The following SEC23A variants were observed in gnomAD, a reference collection of about 807,000 sequenced individuals.
SEC23A encodes the protein protein transport protein Sec23A.
In SEC23A, 56 loss-of-function variants were observed where a neutral mutation model predicts 103.7. That is an observed-to-expected ratio of 0.54 (90% CI 0.44 to 0.67). The LOEUF (loss-of-function observed/expected upper bound fraction) is 0.67, where lower values mean the gene tolerates loss of function less well. SEC23A is among the 30% of genes least tolerant of loss of function. The pLI, the probability that SEC23A is intolerant of heterozygous loss-of-function variation, is 0.00. For synonymous variants in SEC23A, 281 were observed against 293.0 expected, an observed-to-expected ratio of 0.96 and a Z score of 0.42; for missense variants, 784 against 936.4, an observed-to-expected ratio of 0.84 and a Z score of 2.12.
rs763645563 is a variant in SEC23A at position 39,092,554 on chromosome 14, T to G, written c.353A>C (p.Glu118Ala). ...TTAGGTTCTTACCAGAACTACATAT[T>G]CAATGCTAGAAAACTGAGGTAAAAG... ...AELLPQFSSI[E>A]YVVLRGPQMP... The change falls in exon 4 of 20, where the codon GAA (glutamate) becomes GCA (alanine). Residue 118 changes from glutamate to alanine, a missense_variant. Physicochemically the swap from Glu to Ala is moderately radical, Grantham distance 107. Coordinates refer to ENST00000307712, the MANE Select transcript of SEC23A (RefSeq NM_006364.4). The G allele has an allele frequency of 6.2e-7, 1 of 1,601,970 alleles. No individual in the cohort carries two copies. Among genetic ancestry groups the G allele is most frequent in the Non-Finnish European group, 8.5e-7 (1 of 1,169,970 alleles).
Position 39,095,102 on chromosome 14 carries a change from G to T in SEC23A, c.221+796C>A. The stretch of plus-strand genomic sequence containing the variant: ...AAAAGACTGTGGTATCTTGAAGCAG[G>T]GTATACTACCAGAGATGGAATAAGA... On this transcript the variant is annotated intron_variant, in intron 2 of 19. Coordinates refer to ENST00000307712, the MANE Select transcript of SEC23A (RefSeq NM_006364.4). 4.6e-6 allele frequency: 3 copies of T among 655,428 alleles called. No individual in the cohort carries two copies. In the South Asian group the frequency reaches 5.2e-5, roughly 11 times the overall value. 40.6% of individuals were successfully genotyped at this position (655,428 alleles called of 1,614,324 possible).
chr14:39,101,449 C>T (rs1888091585), intron 1 of SEC23A, among the ~76,000 whole-genome samples: 1 of 151,800 alleles, frequency 6.6e-6, no homozygotes. Context: ...TAAACCCCGT[C>T]TCTACTGAAA....
At chr14:39,092,898 C>T in intron 3 of SEC23A, 1 of 497,226 alleles carries the variant, frequency 2.0e-6, no homozygotes, top group South Asian at 2.3e-5. Flanking sequence ...GAGTCTTGCT[C>T]TGTTGCCCAG....
chr14:39,040,188 G>T (rs1002715276), intron 18 of SEC23A: 3 of 152,210 alleles, frequency 2.0e-5, no homozygotes, highest in African/African-American at 7.2e-5. Context: ...CCTTCTGAAG[G>T]TCTCAAAGCA....
In SEC23A at chr14:39,032,993, A is replaced by G. The variant is rs908791882; in HGVS notation, c.*246T>C. The G allele has an allele frequency of 2.1e-6, 1 of 473,386 alleles. No homozygotes were observed. The highest frequency in any genetic ancestry group is 3.5e-5 in the Admixed American group (1 of 28,800). 29.3% of individuals were successfully genotyped at this position (473,386 alleles called of 1,614,324 possible). On this transcript the variant is annotated 3_prime_UTR_variant, in exon 20 of 20. Transcript: ENST00000307712. ...TTTTTATTAAACATAATTAAGTTAT[A>G]AAGACTTCAAATTTCTAGAACCAGC...
At chr14:39,042,637 T>C (rs892407769) in intron 17 of SEC23A, 149 bp downstream of exon 17, 12 of 610,600 alleles carry the variant, frequency 2.0e-5, no homozygotes, top group Non-Finnish European at 3.2e-5. Context: ...TAAAACCTTA[T>C]AGTAGGCAGC....
intron 16 of SEC23A, 144 bp downstream of exon 16, chr14:39,045,019 G>C (rs1038350837): frequency 1.4e-6 from 1 of 714,220 alleles, no homozygotes; most frequent in East Asian, 2.7e-5. Context: ...TATTTTAAGC[G>C]AATACATTAA....
intron 4 of SEC23A, 136 bp from the exon 5 acceptor site, chr14:39,091,849 C>A: frequency 2.9e-6 from 2 of 694,040 alleles, no homozygotes; most frequent in South Asian, 1.6e-5. Context: ...CAGGTTATTT[C>A]TACTGTCATG....
At chr14:39,081,868 C>T (rs1171418071) in intron 7 of SEC23A, among the ~76,000 whole-genome samples, 4 of 152,104 alleles carry the variant, frequency 2.6e-5, no homozygotes, top group Admixed American at 2.6e-4. Flanking sequence ...TATATATGCA[C>T]ATACATCTTC....
chr14:39,038,994 A>T, intron 19 of SEC23A, 37 bp downstream of exon 19: 1 of 1,521,860 alleles, frequency 6.6e-7, no homozygotes, highest in South Asian at 1.1e-5. Flanking sequence ...ATAAATACAC[A>T]AAGAAATAAT....
intron 7 of SEC23A, among the ~76,000 whole-genome samples, chr14:39,076,842 G>A (rs2415527): frequency 0.037 from 5,628 of 151,548 alleles, 379 homozygotes; most frequent in African/African-American, 0.13. Flanking sequence ...CAGGAGAATC[G>A]CTTGAACGCG....
At chr14:39,045,989 A>G (rs912679697) in intron 15 of SEC23A, among the ~76,000 whole-genome samples, 6 of 152,206 alleles carry the variant, frequency 3.9e-5, no homozygotes, top group Non-Finnish European at 4.4e-5. Flanking sequence ...GAACTGAATC[A>G]TGTCAGGGGG....
intron 7 of SEC23A, 22 bp downstream of exon 7, chr14:39,085,740 A>ACACAC: frequency 6.3e-7 from 1 of 1,598,100 alleles, no homozygotes. Context: ...TTTACATTCC[A>ACACAC]AAACAAAACC....
intron 7 of SEC23A, among the ~76,000 whole-genome samples, chr14:39,081,131 G>A (rs1485425939): frequency 6.6e-6 from 1 of 151,904 alleles, no homozygotes; most frequent in Non-Finnish European, 1.5e-5. Flanking sequence ...CTTGAGACCA[G>A]GAGTTTGAGG....
At chr14:39,094,834 TA>T in intron 2 of SEC23A, 1 of 592,890 alleles carries the variant, frequency 1.7e-6, no homozygotes, top group South Asian at 2.1e-5. Context: ...TAGATGAGAA[TA>T]AGGAAAATGG....
At chr14:39,082,302 C>T (rs955260345) in intron 7 of SEC23A, among the ~76,000 whole-genome samples, 6 of 151,372 alleles carry the variant, frequency 4.0e-5, no homozygotes, top group African/African-American at 1.2e-4. Context: ...GGAGAGAAAG[C>T]TCTTCCTCAA....
intron 7 of SEC23A, among the ~76,000 whole-genome samples, chr14:39,083,219 T>A (rs1376124225): frequency 1.3e-5 from 2 of 152,172 alleles, no homozygotes; most frequent in East Asian, 3.9e-4. Context: ...AGCTGGAAAC[T>A]GCTTCGGGCA....
intron 17 of SEC23A, 91 bp from the exon 18 acceptor site, chr14:39,040,978 T>G: frequency 6.9e-7 from 1 of 1,441,374 alleles, no homozygotes; most frequent in Non-Finnish European, 9.2e-7. Flanking sequence ...CTTTAGAAAC[T>G]AAAAAAATTA....
intron 13 of SEC23A, among the ~76,000 whole-genome samples, chr14:39,056,721 C>T (rs1383327532): frequency 6.6e-6 from 1 of 152,088 alleles, no homozygotes; most frequent in African/African-American, 2.4e-5. Context: ...CCTGAACCTC[C>T]CAAAGTGCTG....
Sources: allele counts gnomAD v4.1 joint callset (sites outside exome capture counted in the v4.1 genomes callset), GRCh38; gene constraint gnomAD v4.1.1; transcripts MANE v1.5; gene names NCBI Gene and HGNC (gene_info 2026-07-23, HGNC 2026-07-21).